NUP188: variants seen among roughly 807,000 people sequenced by gnomAD.
The protein encoded by NUP188 is nucleoporin NUP188.
A neutral mutation model predicts 223.0 loss-of-function variants in NUP188; 97 were observed. The observed-to-expected ratio is 0.43, with a 90% CI of 0.37 to 0.51. NUP188 has a LOEUF of 0.51. Among genes scored for constraint, NUP188 ranks in the 20% least tolerant of loss-of-function variants. The probability of loss-of-function intolerance (pLI) is 0.00; values close to 1 mark genes in which losing one functional copy is unlikely to be tolerated. For missense variants in NUP188, 1,947 were observed against 2,175.6 expected (o/e 0.89, Z 2.09); for synonymous variants, 869 against 828.0 (o/e 1.05, Z -0.85).
At chr9:128,964,988 G>A (rs986604539) in intron 8 of NUP188, among the ~76,000 whole-genome samples, 7 of 152,168 alleles carry the variant, frequency 4.6e-5, no homozygotes, top group Non-Finnish European at 1.0e-4. Context: ...TTACAGGCAT[G>A]AGCCTCCTCA....
At chr9:128,964,980 A>G (rs1217039549) in intron 8 of NUP188, among the ~76,000 whole-genome samples, 1 of 152,186 alleles carries the variant, frequency 6.6e-6, no homozygotes, top group Non-Finnish European at 1.5e-5. Flanking sequence ...TGCTAGGATT[A>G]CAGGCATGAG....
In NUP188 at chr9:129,001,890, A is replaced by G. The variant is rs773719627; in HGVS notation, c.4051A>G (p.Thr1351Ala). 6.2e-7 allele frequency: 1 copy of G among 1,613,902 alleles called. No individual in the cohort carries two copies. The highest frequency in any genetic ancestry group is 8.5e-7 in the Non-Finnish European group (1 of 1,179,932). ...LTLARTQQGA[T>A]AVAGAGITQS... ...TGTCTTTCCCTCCTCCCAGGGAGCC[A>G]CAGCAGTGGCTGGAGCTGGCATCAC... The change falls in exon 36 of 44, where the codon ACA (threonine) becomes GCA (alanine). Residue 1351 changes from threonine (T) to alanine (A), a missense_variant. Physicochemically the swap from Thr to Ala is moderately conservative, Grantham distance 58 (BLOSUM62 0). This residue lies in a region of NUP188 where 905 missense variants were observed against 990.6 expected (regional missense o/e 0.91). Coordinates refer to ENST00000372577, the MANE Select transcript of NUP188 (RefSeq NM_015354.3).
At chr9:128,987,481 C>T in intron 22 of NUP188, 108 bp from the exon 23 acceptor site, 1 of 1,034,052 alleles carries the variant, frequency 9.7e-7, no homozygotes, top group Non-Finnish European at 1.4e-6. Context: ...AGCTGGTCTC[C>T]AGTGTCCAGT....
At chr9:129,006,154 G>A (rs755643649) in intron 42 of NUP188, 31 bp downstream of exon 42, 15 of 1,614,116 alleles carry the variant, frequency 9.3e-6, no homozygotes, top group Non-Finnish European at 1.0e-5. Context: ...TTGATAAGGG[G>A]CTGGGGCAGT....
chr9:129,000,766 C>T (rs758699618), intron 34 of NUP188, among the ~76,000 whole-genome samples: 6 of 151,498 alleles, frequency 4.0e-5, no homozygotes, highest in South Asian at 2.1e-4. Flanking sequence ...GGGCCGGGCA[C>T]GGTGGCTAAC....
intron 3 of NUP188, among the ~76,000 whole-genome samples, chr9:128,954,542 G>A (rs190463171): frequency 2.7e-3 from 404 of 151,880 alleles, no homozygotes; most frequent in Middle Eastern, 6.8e-3. Context: ...CCGCCACCAC[G>A]CCTGGCTAAT....
At chr9:128,979,465 G>C in intron 13 of NUP188, 138 bp downstream of exon 13, 1 of 556,846 alleles carries the variant, frequency 1.8e-6, no homozygotes, top group Non-Finnish European at 3.2e-6. Flanking sequence ...TACTATTACT[G>C]TCCCTCTTTT....
intron 3 of NUP188, among the ~76,000 whole-genome samples, chr9:128,954,796 CTTA>C (rs1358350686): frequency 6.6e-6 from 1 of 151,020 alleles, no homozygotes; most frequent in Non-Finnish European, 1.5e-5. Flanking sequence ...TGATGTTTTC[CTTA>C]TTATTAGACT....
chr9:128,999,719 C>G lies in NUP188; in HGVS notation c.3757C>G (p.Leu1253Val), dbSNP rs748581341. 1.2e-6 allele frequency: 2 copies of G among 1,614,210 alleles called. No individual in the cohort carries two copies. Among genetic ancestry groups the G allele is most frequent in the Non-Finnish European group, 1.7e-6 (2 of 1,180,020 alleles). Residue 1253 changes from leucine to valine, a missense_variant, in exon 34 of 44, where the codon CTG (leucine) becomes GTG (valine). By Grantham distance (32) the Leu-to-Val change is conservative (BLOSUM62 1). This residue lies in a region of NUP188 where 905 missense variants were observed against 990.6 expected (regional missense o/e 0.91). Coordinates refer to ENST00000372577, the MANE Select transcript of NUP188 (RefSeq NM_015354.3). ...ACTCTTCGACCAGACCCGCCACAGT[C>G]TGGCATTAGGCAGTGCCACAGAGGA... ...IALFDQTRHS[L>V]ALGSATEDKD... is the part of the protein sequence containing the mutation.
intron 6 of NUP188, 150 bp downstream of exon 6, chr9:128,958,204 A>G: frequency 1.6e-6 from 1 of 625,246 alleles, no homozygotes; most frequent in Non-Finnish European, 2.8e-6. Context: ...TTATGAAAAG[A>G]TGCTTTTATC....
intron 25 of NUP188, among the ~76,000 whole-genome samples, chr9:128,991,907 CTTTT>C (rs1204961303): frequency 1.7e-5 from 2 of 117,368 alleles, no homozygotes; most frequent in Admixed American, 9.6e-5. Context: ...GTTTTTCTTT[CTTTT>C]TTTTTTTTTT....
intron 23 of NUP188, 136 bp downstream of exon 23, chr9:128,987,853 C>G (rs1842360410): frequency 1.6e-6 from 2 of 1,250,454 alleles, no homozygotes; most frequent in South Asian, 1.4e-5. Flanking sequence ...TTTACATACC[C>G]TAGTGGCTGC....
chr9:128,983,804 A>G (rs1842291296), intron 19 of NUP188, among the ~76,000 whole-genome samples: 1 of 150,056 alleles, frequency 6.7e-6, no homozygotes, highest in Non-Finnish European at 1.5e-5. Flanking sequence ...TAATTTTTGT[A>G]TTATTTATGT....
chr9:128,954,060 TC>T (rs1423047639), intron 3 of NUP188, among the ~76,000 whole-genome samples: 1 of 152,014 alleles, frequency 6.6e-6, no homozygotes, highest in Non-Finnish European at 1.5e-5. Context: ...GAACTCCTGA[TC>T]TCAAGTGATC....
chr9:128,948,105 T>G, intron 1 of NUP188: 1 of 216,952 alleles, frequency 4.6e-6, no homozygotes, highest in Non-Finnish European at 9.1e-6. Flanking sequence ...ACGGGGAGCT[T>G]TGCGGTCTCC....
intron 20 of NUP188, 84 bp downstream of exon 20, chr9:128,985,098 C>T: frequency 1.1e-6 from 1 of 928,826 alleles, no homozygotes; most frequent in Non-Finnish European, 1.7e-6. Context: ...TCCCTGGCCC[C>T]TGGTGCTGTA....
chr9:129,005,121 G>A (rs1447862818), intron 38 of NUP188, 26 bp from the exon 39 acceptor site: 5 of 1,584,902 alleles, frequency 3.2e-6, no homozygotes, highest in Admixed American at 1.7e-5. Context: ...AAGAGAATCC[G>A]CTCATCTCTC....
At chr9:128,957,709 C>T (rs1285884610) in intron 5 of NUP188, among the ~76,000 whole-genome samples, 1 of 152,108 alleles carries the variant, frequency 6.6e-6, no homozygotes. Context: ...CGTGATCCCC[C>T]CGCCTCAGCC....
At chr9:128,960,414 G>C (rs936984589) in intron 8 of NUP188, among the ~76,000 whole-genome samples, 1 of 151,890 alleles carries the variant, frequency 6.6e-6, no homozygotes, top group South Asian at 2.1e-4. Context: ...ATCGATTATA[G>C]CATGACCTTG....
Sources: allele counts gnomAD v4.1 joint callset (sites outside exome capture counted in the v4.1 genomes callset), GRCh38; gene constraint gnomAD v4.1.1; regional missense constraint gnomAD v4.1.1; transcripts MANE v1.5; gene names NCBI Gene and HGNC (gene_info 2026-07-23, HGNC 2026-07-21).